STAT1: variants seen among roughly 807,000 people sequenced by gnomAD.
The protein encoded by STAT1 is signal transducer and activator of transcription 1-alpha/beta.
A neutral mutation model predicts 111.7 loss-of-function variants in STAT1; 24 were observed. The ratio of observed to expected loss-of-function variants is 0.21; its 90% confidence interval spans 0.16 to 0.30. The LOEUF (loss-of-function observed/expected upper bound fraction) is 0.30. STAT1 is among the 10% of genes least tolerant of loss of function. The probability of loss-of-function intolerance (pLI) is 1.00; values close to 1 mark genes in which losing one functional copy is unlikely to be tolerated. For synonymous variants in STAT1, 332 were observed against 326.5 expected (o/e 1.02, Z -0.18); for missense variants, 351 against 911.9 (o/e 0.38, Z 7.92).
chr2:191,008,016 A>G (rs1574671631), intron 4 of STAT1: 2 of 461,864 alleles, frequency 4.3e-6, no homozygotes, highest in Non-Finnish European at 8.6e-6. Flanking sequence ...TATACATGAC[A>G]TTCCTCAATG....
intron 3 of STAT1, 28 bp from the exon 4 acceptor site, chr2:191,009,135 A>T (rs1350008600): frequency 6.2e-7 from 1 of 1,613,242 alleles, no homozygotes; most frequent in Non-Finnish European, 8.5e-7. Flanking sequence ...TACACATTTC[A>T]TTCTAGAACT....
chr2:190,977,009 C>T lies in STAT1; in HGVS notation c.1890G>A (p.Ala630=), dbSNP rs757407974. 1.1e-5 allele frequency: 17 copies of T among 1,613,880 alleles called. No homozygotes were observed. The highest frequency in any genetic ancestry group is 3.3e-5 in the South Asian group (3 of 91,072). ...SQNGGEPDFH[A]VEPYTKKELS... is the part of the protein sequence containing the mutation. ...GTTCTTTCTTCGTGTAGGGTTCAAC[C>T]GCATGGAAGTCAGGTTCTAAAAAGG... The change falls in exon 22 of 25, where the codon GCG becomes GCA. Residue 630 remains alanine (A), a synonymous_variant. Transcript: ENST00000361099. The surrounding 1 kb of genome is among the most constrained non-coding windows in gnomAD (Gnocchi z 4.7).
Position 190,982,237 on chromosome 2 carries a change from T to C in STAT1, c.1582+146A>G. On this transcript the variant is annotated intron_variant, in intron 18 of 24. Transcript: ENST00000361099. This position sits in a 1 kb window ranked among gnomAD's most constrained non-coding sequence, Gnocchi z 7.3. ...TCTAAGGTGACATATGATTCTCACTTAGCTATAATAAACTATAGCTTGAAA... is the reference window on the plus strand; with the variant it reads ...TCTAAGGTGACATATGATTCTCACTCAGCTATAATAAACTATAGCTTGAAA... The C allele has an allele frequency of 1.1e-6, 1 of 872,788 alleles. No homozygotes were observed. The highest frequency in any genetic ancestry group is 1.9e-6 in the Non-Finnish European group (1 of 537,478). The allele number at this position is 872,788 out of a possible 1,614,324, so 54.1% of individuals were successfully genotyped here. A position where few individuals can be genotyped will look rare whatever the true frequency, so the allele number is the denominator to read the frequency against.
Position 191,000,892 on chromosome 2 carries a change from AG to A in STAT1, c.462+181del. Among the ~76,000 whole-genome samples, 1 of 152,348 alleles carries A rather than the reference AG, an allele frequency of 6.6e-6. No individual in the cohort carries two copies. The highest frequency in any genetic ancestry group is 1.9e-4 in the East Asian group (1 of 5,190). ...GGCAGTTATAAGAGGCCATTCAAAA[AG>A]TCTATCTGGTCATTGATTTTGCCAA... On this transcript the variant is annotated intron_variant, in intron 6 of 24. Transcript: ENST00000361099. The surrounding 1 kb of genome is among the most constrained non-coding windows in gnomAD (Gnocchi z 4.8).
intron 24 of STAT1, among the ~76,000 whole-genome samples, chr2:190,972,799 T>C (rs2124985204): frequency 6.8e-6 from 1 of 146,402 alleles, no homozygotes; most frequent in East Asian, 2.0e-4. Flanking sequence ...AATGGGAGGC[T>C]TTAGTGGTGT....
In STAT1 at chr2:191,014,075, G is replaced by A. The variant is rs147950001; in HGVS notation, c.-213C>T. 685 of 165,426 alleles carry A rather than the reference G, an allele frequency of 4.1e-3. No individual in the cohort carries two copies. Among genetic ancestry groups the A allele is most frequent in the Non-Finnish European group, 7.2e-3 (553 of 77,006 alleles). 10.2% of individuals were successfully genotyped at this position (165,426 alleles called of 1,614,324 possible). On this transcript the variant is annotated 5_prime_UTR_variant, in exon 1 of 25. Transcript: ENST00000361099. ...GGCGCGGCGGTGCAGCCTCTCCCGA[G>A]CGCGCTGGGTCGCCTCTGCTCGGTC...
In STAT1 at chr2:190,980,405, G is replaced by A. The variant is rs1574642192; in HGVS notation, c.1632+215C>T. On this transcript the variant is annotated intron_variant, in intron 19 of 24. Transcript: ENST00000361099. This position sits in a 1 kb window ranked among gnomAD's most constrained non-coding sequence, Gnocchi z 6.1. ...AGCCTCATTTCAGATATGAAAGAAT[G>A]TTATCACTCAGGCAGGTGCTTCCTG... Among the ~76,000 whole-genome samples the A allele has an allele frequency of 6.6e-6, 1 of 152,252 alleles. No individual in the cohort carries two copies. Among genetic ancestry groups the A allele is most frequent in the Non-Finnish European group, 1.5e-5 (1 of 68,046 alleles).
rs780655672 is a variant in STAT1, at chr2:190,969,637, G to A, written c.*1066C>T. The A allele has an allele frequency of 2.0e-5, 3 of 152,172 alleles. No individual in the cohort carries two copies. Among genetic ancestry groups the A allele is most frequent in the Non-Finnish European group, 4.4e-5 (3 of 68,018 alleles). 9.4% of individuals were successfully genotyped at this position (152,172 alleles called of 1,614,324 possible). A position where few individuals can be genotyped will look rare whatever the true frequency, so the allele number is the denominator to read the frequency against. ...AAATGTGAAAAACACATATATCAGCGAAACATATGCAGTTCTCAATGCAGT... is the reference window on the plus strand; with the variant it reads ...AAATGTGAAAAACACATATATCAGCAAAACATATGCAGTTCTCAATGCAGT... On this transcript the variant is annotated 3_prime_UTR_variant, in exon 25 of 25. Coordinates refer to ENST00000361099, the MANE Select transcript of STAT1 (RefSeq NM_007315.4).
At position 190,993,270 on chromosome 2, in the gene STAT1, T is replaced by A; in HGVS notation, c.944+1791A>T. The A allele has an allele frequency of 1.6e-6, 1 of 618,250 alleles. No homozygotes were observed. 38.3% of individuals were successfully genotyped at this position (618,250 alleles called of 1,614,324 possible). A position where few individuals can be genotyped will look rare whatever the true frequency, so the allele number is the denominator to read the frequency against. On this transcript the variant is annotated intron_variant, in intron 10 of 24. Coordinates refer to ENST00000361099, the MANE Select transcript of STAT1 (RefSeq NM_007315.4). This position sits in a 1 kb window ranked among gnomAD's most constrained non-coding sequence, Gnocchi z 4.1. ...TTCTGCAGTCACTGTTTAATATTAT[T>A]GAAGGACTCCTGATCTGTCACATCA...
Position 190,995,295 on chromosome 2 carries a change from T to G in STAT1, c.786-76A>C. 2 of 1,395,980 alleles carry G rather than the reference T, an allele frequency of 1.4e-6. No homozygotes were observed. The highest frequency in any genetic ancestry group is 2.0e-6 in the Non-Finnish European group (2 of 985,810). The allele number at this position is 1,395,980 out of a possible 1,614,324, so 86.5% of individuals were successfully genotyped here. On this transcript the variant is annotated intron_variant, in intron 9 of 24. Coordinates refer to ENST00000361099, the MANE Select transcript of STAT1 (RefSeq NM_007315.4). The surrounding 1 kb of genome is among the most constrained non-coding windows in gnomAD (Gnocchi z 4.2). ...GCCTGGATTAAAGGGAATCATGGTA[T>G]ATTAGTCCATTCTCATGCTGCTAAT...
rs1691787851 is a variant in STAT1 at position 190,974,950 on chromosome 2, A to G, written c.2136-18T>C. On this transcript the variant is annotated intron_variant, in intron 23 of 24. Transcript: ENST00000361099. The surrounding 1 kb of genome is among the most constrained non-coding windows in gnomAD (Gnocchi z 4.8). ...AAGGGTGACTAAAATGGGGAAAAAG[A>G]AAAGAGCAATGTCAACATCTGAGTG... 2.5e-6 allele frequency: 4 copies of G among 1,583,666 alleles called. No homozygotes were observed. Among genetic ancestry groups the G allele is most frequent in the Non-Finnish European group, 3.5e-6 (4 of 1,152,704 alleles).
chr2:190,998,211 A>T lies in STAT1; in HGVS notation c.633+6T>A, dbSNP rs45459703. 4.4e-3 allele frequency: 7,009 copies of T among 1,610,038 alleles called. 26 individuals are homozygous for T. Among genetic ancestry groups the T allele is most frequent in the Non-Finnish European group, 5.4e-3 (6,304 of 1,176,508 alleles). On this transcript the variant is annotated splice_donor_region_variant and intron_variant, in intron 8 of 24. Transcript: ENST00000361099. This position sits in a 1 kb window ranked among gnomAD's most constrained non-coding sequence, Gnocchi z 4.1. The stretch of plus-strand genomic sequence containing the variant: ...TGGCATGCTATTCTGGAAAGTAAAT[A>T]ACTACCTTTCTCTTATTGTCAAGCA...
In STAT1 at chr2:190,979,667, G is replaced by A; in HGVS notation, c.1727+105C>T. 1.1e-6 allele frequency: 1 copy of A among 907,910 alleles called. No individual in the cohort carries two copies. The highest frequency in any genetic ancestry group is 1.3e-5 in the South Asian group (1 of 74,854). The allele number at this position is 907,910 out of a possible 1,614,324, so 56.2% of individuals were successfully genotyped here. ...GCAGCCTATAAATGCGCACTCCTGT[G>A]AGATTCACACACGCCTAGTCAAATA... On this transcript the variant is annotated intron_variant, in intron 20 of 24. Transcript: ENST00000361099. This position sits in a 1 kb window ranked among gnomAD's most constrained non-coding sequence, Gnocchi z 5.8.
At position 190,995,135 on chromosome 2, in the gene STAT1, T is replaced by C. The variant is rs767586956; in HGVS notation, c.870A>G (p.Glu290=). 1.9e-5 allele frequency: 30 copies of C among 1,613,768 alleles called. No individual in the cohort carries two copies. The Admixed American group carries it at 5.0e-4, about 27-fold the overall frequency. Residue 290 remains glutamate, a synonymous_variant, in exon 10 of 25, where the codon GAA becomes GAG. Transcript: ENST00000361099. The surrounding 1 kb of genome is among the most constrained non-coding windows in gnomAD (Gnocchi z 4.2). Reference sequence around the variant, plus strand: ...GTTTGTTTTTTGTGATAGGGTCATGTTCGTAGGTGTATTTCTGTTCCAATT... The same window carrying C: ...GTTTGTTTTTTGTGATAGGGTCATGCTCGTAGGTGTATTTCTGTTCCAATT... ...LEELEQKYTY[E]HDPITKNKQV...
intron 2 of STAT1, among the ~76,000 whole-genome samples, chr2:191,011,781 A>C (rs1695142312): frequency 6.6e-6 from 1 of 152,082 alleles, no homozygotes. Flanking sequence ...CTGCCCCGTG[A>C]AGAGATGCCT....
At chr2:190,985,596 TC>T (rs1430345298) in intron 15 of STAT1, 22 bp downstream of exon 15, 22 of 1,614,034 alleles carry the variant, frequency 1.4e-5, no homozygotes, top group Non-Finnish European at 1.8e-5. Context: ...TTGGGCCCAT[TC>T]ACAACATAAA....
chr2:190,992,882 T>C, intron 10 of STAT1: 1 of 277,958 alleles, frequency 3.6e-6, no homozygotes, highest in Non-Finnish European at 6.6e-6. Flanking sequence ...CTCCGCCACC[T>C]GGGTTCGAGC....
rs2125061873 is a variant in STAT1, at chr2:190,995,092, T to A, written c.913A>T (p.Thr305Ser). ...ATGAGCTGCTGGAAAAGACTGAAGG[T>A]GCGGTCCCATAACACTTGTTTGTTT... ...TKNKQVLWDRTFSLFQQLIQS... is the reference protein window; with the variant it reads ...TKNKQVLWDRSFSLFQQLIQS... The change falls in exon 10 of 25, where the codon ACC becomes TCC. Residue 305 changes from threonine to serine, a missense_variant. Coordinates refer to ENST00000361099, the MANE Select transcript of STAT1 (RefSeq NM_007315.4). This position sits in a 1 kb window ranked among gnomAD's most constrained non-coding sequence, Gnocchi z 4.2. The A allele has an allele frequency of 6.2e-7, 1 of 1,613,790 alleles. No individual in the cohort carries two copies. Among genetic ancestry groups the A allele is most frequent in the African/African-American group, 1.3e-5 (1 of 74,896 alleles).
At position 190,998,005 on chromosome 2, in the gene STAT1, T is replaced by C; in HGVS notation, c.636A>G (p.Glu212=). The C allele has an allele frequency of 6.2e-7, 1 of 1,614,200 alleles. No individual in the cohort carries two copies. Among genetic ancestry groups the C allele is most frequent in the Non-Finnish European group, 8.5e-7 (1 of 1,180,016 alleles). Residue 212 remains glutamate, a splice_region_variant and synonymous_variant, in exon 9 of 25, where the codon GAA becomes GAG. Transcript: ENST00000361099. The surrounding 1 kb of genome is among the most constrained non-coding windows in gnomAD (Gnocchi z 4.1). ...MYLMLDNKRK[E]VVHKIIELLN... ...GCAACTCTATTATTTTGTGAACTACTTCCTAAAGGCAATAGAAGAAACAAA... is the reference window on the plus strand; with the variant it reads ...GCAACTCTATTATTTTGTGAACTACCTCCTAAAGGCAATAGAAGAAACAAA...
Sources: allele counts gnomAD v4.1 joint callset (sites outside exome capture counted in the v4.1 genomes callset), GRCh38; gene constraint gnomAD v4.1.1; non-coding constraint Gnocchi (gnomAD v3.1); transcripts MANE v1.5; gene names NCBI Gene and HGNC (gene_info 2026-07-23, HGNC 2026-07-21).